The following MALT1 variants were observed in gnomAD, a reference collection of about 807,000 sequenced individuals.
MALT1 encodes MALT1 paracaspase.
A neutral mutation model predicts 85.5 loss-of-function variants in MALT1; 36 were observed. The observed-to-expected ratio is 0.42, with a 90% CI of 0.32 to 0.56. MALT1 has a LOEUF of 0.56. Among genes scored for constraint, MALT1 ranks in the 20% least tolerant of loss-of-function variants. The pLI is 0.10. For missense variants in MALT1, 716 were observed against 981.6 expected (o/e 0.73, Z 3.62); for synonymous variants, 359 against 361.3 (o/e 0.99, Z 0.07).
intron 4 of MALT1, among the ~76,000 whole-genome samples, chr18:58,706,054 C>T (rs560599885): frequency 3.3e-5 from 5 of 152,314 alleles, no homozygotes; most frequent in East Asian, 1.9e-4. Flanking sequence ...GGCACGATCT[C>T]GGCTCACTGC....
chr18:58,680,412 A>G (rs1428444617), intron 1 of MALT1, among the ~76,000 whole-genome samples: 2 of 152,174 alleles, frequency 1.3e-5, no homozygotes, highest in African/African-American at 4.8e-5. Flanking sequence ...TTTGATATAC[A>G]TGCCATAATT....
intron 4 of MALT1, among the ~76,000 whole-genome samples, chr18:58,706,171 A>G (rs1434576237): frequency 1.3e-5 from 2 of 151,404 alleles, no homozygotes; most frequent in African/African-American, 4.9e-5. Context: ...ATTTTTTAGT[A>G]GAGACGGGGT....
chr18:58,727,008 A>G (rs2055064567), intron 10 of MALT1, among the ~76,000 whole-genome samples: 1 of 152,258 alleles, frequency 6.6e-6, no homozygotes, highest in South Asian at 2.1e-4. Context: ...TTCTAAGCCA[A>G]AAGGAATCTA....
intron 10 of MALT1, among the ~76,000 whole-genome samples, chr18:58,723,498 CTT>C (rs1367370752): frequency 6.6e-6 from 1 of 151,558 alleles, no homozygotes; most frequent in Admixed American, 6.6e-5. Context: ...TCTTACCTGT[CTT>C]TTGTGATTTT....
intron 3 of MALT1, among the ~76,000 whole-genome samples, chr18:58,698,070 T>TTA (rs369605495): frequency 1.1e-5 from 1 of 92,170 alleles, no homozygotes; most frequent in African/African-American, 3.0e-5. Context: ...TTGTTTTGTT[T>TTA]TTTTGTTTTT....
At chr18:58,680,780 G>A (rs974797514) in intron 1 of MALT1, among the ~76,000 whole-genome samples, 2 of 151,752 alleles carry the variant, frequency 1.3e-5, no homozygotes, top group Admixed American at 6.6e-5. Flanking sequence ...AAAATTAGCC[G>A]GGCGCGGTGG....
chr18:58,693,369 C>G (rs780962701), intron 2 of MALT1, among the ~76,000 whole-genome samples: 5 of 152,102 alleles, frequency 3.3e-5, no homozygotes, highest in African/African-American at 1.2e-4. Flanking sequence ...TTGCAGTGAG[C>G]GAGATCATGA....
chr18:58,718,819 G>A (rs951047654), intron 9 of MALT1, among the ~76,000 whole-genome samples: 8 of 152,222 alleles, frequency 5.3e-5, no homozygotes, highest in Non-Finnish European at 1.0e-4. Flanking sequence ...GTCGAGGAGA[G>A]TTAGAGAGGG....
At chr18:58,707,889 T>C (rs940781388) in intron 4 of MALT1, among the ~76,000 whole-genome samples, 8 of 152,194 alleles carry the variant, frequency 5.3e-5, no homozygotes, top group Non-Finnish European at 1.5e-5. Flanking sequence ...AGGACTGAAA[T>C]TGACATATCG....
chr18:58,697,452 T>G (rs1331781024), intron 3 of MALT1, among the ~76,000 whole-genome samples: 2 of 152,222 alleles, frequency 1.3e-5, no homozygotes, highest in Non-Finnish European at 2.9e-5. Flanking sequence ...GTTGGAACTC[T>G]GACTGCCATT....
chr18:58,745,018 A>G (rs546197885), intron 15 of MALT1, among the ~76,000 whole-genome samples: 7 of 152,154 alleles, frequency 4.6e-5, no homozygotes, highest in Admixed American at 3.9e-4. Flanking sequence ...CAGAAACCCA[A>G]AATATCACTT....
intron 2 of MALT1, among the ~76,000 whole-genome samples, chr18:58,683,910 G>A (rs1182009953): frequency 6.6e-6 from 1 of 152,082 alleles, no homozygotes; most frequent in African/African-American, 2.4e-5. Flanking sequence ...GAGCTGTAGG[G>A]AAATATTATT....
At position 58,749,919 on chromosome 18, in the gene MALT1, C is replaced by T. The variant is rs144294946; in HGVS notation, c.*2077C>T. ...TTGGGAAGAAGGACAAGGATGTTCACTCGGCACTACTTCTATTCAGCATTG... is the reference window on the plus strand; with the variant it reads ...TTGGGAAGAAGGACAAGGATGTTCATTCGGCACTACTTCTATTCAGCATTG... On this transcript the variant is annotated 3_prime_UTR_variant, in exon 17 of 17. Transcript: ENST00000649217. 1 of 210,656 alleles carries T rather than the reference C, an allele frequency of 4.7e-6. No homozygotes were observed. Among genetic ancestry groups the T allele is most frequent in the African/African-American group, 2.3e-5 (1 of 44,176 alleles). The allele number at this position is 210,656 out of a possible 1,614,324, so 13.0% of individuals were successfully genotyped here.
At chr18:58,727,616 G>GTGTTTTTTTTTTTTTTTTTTT (rs2055077198) in intron 10 of MALT1, among the ~76,000 whole-genome samples, 1 of 121,264 alleles carries the variant, frequency 8.2e-6, no homozygotes. Context: ...GGTTTTTTGT[G>GTGTTTTTTTTTTTTTTTTTTT]TTTTTTTTTT....
chr18:58,705,108 A>AT (rs1012651411), intron 4 of MALT1, among the ~76,000 whole-genome samples: 3 of 151,964 alleles, frequency 2.0e-5, no homozygotes, highest in African/African-American at 4.8e-5. Flanking sequence ...TCTTAGTGTT[A>AT]TTTTTTAGTG....
At chr18:58,672,535 G>C (rs566209713) in intron 1 of MALT1, 1 of 152,290 alleles carries the variant, frequency 6.6e-6, no homozygotes, top group Middle Eastern at 3.4e-3. Flanking sequence ...GAGGACCCCA[G>C]AGAGCTCTTA....
chr18:58,710,214 TA>T (rs1471457813), intron 6 of MALT1, 142 bp downstream of exon 6: 3 of 425,306 alleles, frequency 7.1e-6, no homozygotes, highest in Middle Eastern at 3.5e-4. Context: ...TTATATTGTT[TA>T]TATTGAAATT....
At chr18:58,734,256 C>A in intron 11 of MALT1, 51 bp from the exon 12 acceptor site, 1 of 1,296,322 alleles carries the variant, frequency 7.7e-7, no homozygotes, top group Non-Finnish European at 1.1e-6. Context: ...TTTAAGAATG[C>A]TCTTTAACTT....
At chr18:58,734,640 T>A (rs1227287134) in intron 12 of MALT1, 15 of 374,502 alleles carry the variant, frequency 4.0e-5, no homozygotes, top group Non-Finnish European at 4.8e-6. Context: ...CCTATAGACA[T>A]GTAGGCATAA....
Sources: allele counts gnomAD v4.1 joint callset (sites outside exome capture counted in the v4.1 genomes callset), GRCh38; gene constraint gnomAD v4.1.1; transcripts MANE v1.5; gene names NCBI Gene and HGNC (gene_info 2026-07-23, HGNC 2026-07-21).